UNC13C: variants seen among roughly 807,000 people sequenced by gnomAD.
UNC13C encodes protein unc-13 homolog C.
Under a neutral mutation model 245.4 loss-of-function variants are expected in UNC13C, and 174 were observed. The ratio of observed to expected loss-of-function variants is 0.71; its 90% CI spans 0.63 to 0.80. UNC13C has a LOEUF of 0.80. Ranked by LOEUF, UNC13C falls within the 30% of genes least tolerant of loss-of-function variation. UNC13C has a pLI of 0.00. For synonymous variants in UNC13C, 992 were observed against 895.1 expected (o/e 1.11, Z -1.93); for missense variants, 2,829 against 2,602.9 (o/e 1.09, Z -1.89).
intron 2 of UNC13C, among the ~76,000 whole-genome samples, chr15:54,034,107 C>T (rs180940837): frequency 6.6e-6 from 1 of 152,176 alleles, no homozygotes; most frequent in Non-Finnish European, 1.5e-5. Context: ...AGGAGGCTGA[C>T]CCCTGTGTAT....
chr15:54,437,350 A>G (rs1890274537), intron 19 of UNC13C, among the ~76,000 whole-genome samples: 1 of 152,016 alleles, frequency 6.6e-6, no homozygotes, highest in East Asian at 1.9e-4. Context: ...TACATCTATT[A>G]TATAAGCTTC....
intron 19 of UNC13C, among the ~76,000 whole-genome samples, chr15:54,432,426 G>C (rs2040890709): frequency 6.6e-6 from 1 of 151,804 alleles, no homozygotes; most frequent in Non-Finnish European, 1.5e-5. Context: ...AATCAAATTA[G>C]AACTCAGGAT....
chr15:53,885,004 CATG>C, the UNC13C span, among the ~76,000 whole-genome samples: 1 of 152,184 alleles, frequency 6.6e-6, no homozygotes, highest in Admixed American at 6.5e-5. Context: ...ATGGTAGAAT[CATG>C]AGAATATGCA....
At chr15:54,052,833 T>G (rs560420139) in intron 2 of UNC13C, among the ~76,000 whole-genome samples, 1 of 152,318 alleles carries the variant, frequency 6.6e-6, no homozygotes, top group Non-Finnish European at 1.5e-5. Flanking sequence ...TTAATTTGAT[T>G]TTATAAGTAT....
intron 30 of UNC13C, among the ~76,000 whole-genome samples, chr15:54,601,303 A>G (rs898478528): frequency 6.6e-6 from 1 of 152,200 alleles, no homozygotes; most frequent in African/African-American, 2.4e-5. Context: ...AATGTCAATG[A>G]GAAGATAATC....
the UNC13C span, among the ~76,000 whole-genome samples, chr15:53,844,988 C>G: frequency 6.6e-6 from 1 of 152,088 alleles, no homozygotes; most frequent in Admixed American, 6.6e-5. Context: ...AACGTATGAG[C>G]TAAGTTTAAG....
At chr15:54,410,150 G>A (rs959324523) in intron 18 of UNC13C, among the ~76,000 whole-genome samples, 1 of 152,040 alleles carries the variant, frequency 6.6e-6, no homozygotes. Flanking sequence ...TTTTTCACAC[G>A]CTTTTTGGCC....
chr15:54,455,239 G>C (rs11638413), intron 19 of UNC13C, among the ~76,000 whole-genome samples: 27,180 of 56,886 alleles, frequency 0.48, 6,498 homozygotes, highest in East Asian at 0.73. Flanking sequence ...ATATATATAT[G>C]TTTTTTAATC....
At chr15:54,058,223 A>T (rs556411085) in intron 2 of UNC13C, among the ~76,000 whole-genome samples, 5 of 152,320 alleles carry the variant, frequency 3.3e-5, no homozygotes, top group African/African-American at 1.2e-4. Context: ...AGCAAGACTA[A>T]TAAAGAAGAA....
chr15:53,887,617 G>A, the UNC13C span, among the ~76,000 whole-genome samples: 17 of 151,972 alleles, frequency 1.1e-4, no homozygotes, highest in Admixed American at 3.9e-4. Context: ...GGGTACATGT[G>A]CAGAACATGC....
At chr15:53,840,171 A>C in the UNC13C span, among the ~76,000 whole-genome samples, 2 of 152,166 alleles carry the variant, frequency 1.3e-5, no homozygotes, top group African/African-American at 4.8e-5. Flanking sequence ...TTTATTATTA[A>C]GCATAGAGAA....
chr15:54,183,754 A>T, intron 4 of UNC13C, among the ~76,000 whole-genome samples: 1 of 134,534 alleles, frequency 7.4e-6, no homozygotes, highest in Admixed American at 7.2e-5. Context: ...ACATTGTGAG[A>T]CAGAAAAAAA....
intron 13 of UNC13C, among the ~76,000 whole-genome samples, chr15:54,309,159 A>G (rs934266681): frequency 2.0e-5 from 3 of 151,844 alleles, no homozygotes; most frequent in African/African-American, 7.2e-5. Context: ...CCTCCTTGCC[A>G]AGGCTTGTTA....
intron 1 of UNC13C, among the ~76,000 whole-genome samples, chr15:53,986,469 G>A (rs1894146922): frequency 6.6e-6 from 1 of 152,000 alleles, no homozygotes; most frequent in African/African-American, 2.4e-5. Flanking sequence ...GATATTATTT[G>A]TTGATTGTTG....
intron 19 of UNC13C, among the ~76,000 whole-genome samples, chr15:54,475,285 TTATTATTATTATTATTATTA>T (rs1567307604): frequency 2.1e-4 from 22 of 103,708 alleles, no homozygotes; most frequent in Non-Finnish European, 3.2e-4. Flanking sequence ...TTTTTGTTTA[TTATTATTATTATTATTATTA>T]TTATTATTAT....
the UNC13C span, among the ~76,000 whole-genome samples, chr15:53,847,126 A>G: frequency 6.6e-6 from 1 of 152,210 alleles, no homozygotes; most frequent in Non-Finnish European, 1.5e-5. Context: ...TAGACCCTAC[A>G]TAAAAACAAA....
intron 24 of UNC13C, among the ~76,000 whole-genome samples, chr15:54,522,408 G>A (rs1297405517): frequency 6.6e-6 from 1 of 152,038 alleles, no homozygotes; most frequent in African/African-American, 2.4e-5. Context: ...AACCCAGGAG[G>A]TGGAGGTTGC....
intron 1 of UNC13C, among the ~76,000 whole-genome samples, chr15:53,998,680 A>T (rs1894745667): frequency 6.6e-6 from 1 of 152,242 alleles, no homozygotes; most frequent in South Asian, 2.1e-4. Context: ...GGATATACCA[A>T]GCTTAATCCC....
intron 17 of UNC13C, among the ~76,000 whole-genome samples, chr15:54,347,034 G>C (rs539003824): frequency 6.6e-6 from 1 of 152,120 alleles, no homozygotes; most frequent in Non-Finnish European, 1.5e-5. Flanking sequence ...GGTTATTTTA[G>C]GAACCTGGAA....
Sources: gnomAD v4.1 joint callset for allele counts (sites outside exome capture counted in the v4.1 genomes callset) on GRCh38, gnomAD v4.1.1 for gene constraint, MANE v1.5 for transcripts, NCBI Gene and HGNC (gene_info 2026-07-23, HGNC 2026-07-21) for gene names.